The following DNER variants were observed in gnomAD, a reference collection of about 807,000 sequenced individuals.
DNER encodes the protein delta and Notch-like epidermal growth factor-related receptor.
In DNER, 33 loss-of-function variants were observed where a neutral mutation model predicts 78.2. The ratio of observed to expected loss-of-function variants is 0.42; its 90% CI spans 0.32 to 0.56. The LOEUF (loss-of-function observed/expected upper bound fraction) is 0.56, where lower values mean the gene tolerates loss of function less well. DNER is among the 20% of genes least tolerant of loss of function. The pLI, the probability that DNER is intolerant of heterozygous loss-of-function variation, is 0.11. For synonymous variants in DNER, 417 were observed against 384.8 expected, an observed-to-expected ratio of 1.08 and a Z score of -0.98; for missense variants, 918 against 975.3, an observed-to-expected ratio of 0.94 and a Z score of 0.78.
At chr2:229,615,917 A>G (rs1353732562) in intron 1 of DNER, among the ~76,000 whole-genome samples, 1 of 152,204 alleles carries the variant, frequency 6.6e-6, no homozygotes, top group Non-Finnish European at 1.5e-5. Context: ...ATGGACCTGC[A>G]TGTAGGAATC....
chr2:229,539,660 C>T (rs11889339), intron 5 of DNER, among the ~76,000 whole-genome samples: 1 of 151,972 alleles, frequency 6.6e-6, no homozygotes, highest in African/African-American at 2.4e-5. Flanking sequence ...TTTCTCGTCC[C>T]GTTGATAGAC....
intron 1 of DNER, chr2:229,701,830 G>A: frequency 6.4e-6 from 1 of 155,238 alleles, no homozygotes; most frequent in Non-Finnish European, 1.4e-5. Flanking sequence ...GTTGGACTTT[G>A]AGGAGTTCAA....
chr2:229,392,687 T>G (rs1017519597), intron 10 of DNER, among the ~76,000 whole-genome samples: 1 of 152,106 alleles, frequency 6.6e-6, no homozygotes, highest in African/African-American at 2.4e-5. Context: ...GTACAGTCAG[T>G]GAAGCCACAA....
chr2:229,605,174 G>T (rs7599480), intron 1 of DNER, among the ~76,000 whole-genome samples: 1 of 152,136 alleles, frequency 6.6e-6, no homozygotes, highest in South Asian at 2.1e-4. Context: ...GAGGTCACCC[G>T]TAAAAGCCCT....
At chr2:229,433,530 T>C (rs1324767986) in intron 8 of DNER, among the ~76,000 whole-genome samples, 1 of 152,198 alleles carries the variant, frequency 6.6e-6, no homozygotes, top group Non-Finnish European at 1.5e-5. Context: ...TGTGGCACAA[T>C]GTGTTCTAGT....
intron 1 of DNER, among the ~76,000 whole-genome samples, chr2:229,651,843 C>T (rs1018896652): frequency 6.6e-6 from 1 of 152,086 alleles, no homozygotes; most frequent in Non-Finnish European, 1.5e-5. Flanking sequence ...TAGCATGATC[C>T]GTCAGAACAA....
In DNER at chr2:229,426,634, G is replaced by A. The variant is rs531481899; in HGVS notation, c.1487-8404C>T. Among the ~76,000 whole-genome samples the A allele has an allele frequency of 5.9e-5, 9 of 151,792 alleles. 1 individual carries two copies. The highest frequency in any genetic ancestry group is 2.1e-4 in the South Asian group (1 of 4,796). On this transcript the variant is annotated intron_variant, in intron 8 of 12. Transcript: ENST00000341772. ...ATTTCAAGGGAATCTGTGTGGGTGC[G>A]TGTGTGTGTGAGTGAGTGTGTGCAT...
chr2:229,503,121 A>G (rs1330584091), intron 6 of DNER, among the ~76,000 whole-genome samples: 1 of 152,214 alleles, frequency 6.6e-6, no homozygotes, highest in Non-Finnish European at 1.5e-5. Context: ...GATGATTTCT[A>G]AACCGAAAAC....
chr2:229,386,651 A>C (rs1692872969), intron 11 of DNER, among the ~76,000 whole-genome samples: 1 of 152,156 alleles, frequency 6.6e-6, no homozygotes, highest in South Asian at 2.1e-4. Flanking sequence ...AACCACATCA[A>C]AAAGTGGGCA....
chr2:229,662,270 C>T (rs539962359), intron 1 of DNER, among the ~76,000 whole-genome samples: 2 of 152,288 alleles, frequency 1.3e-5, no homozygotes, highest in East Asian at 3.9e-4. Flanking sequence ...GCAGGCTATA[C>T]TTAGTTCATT....
intron 5 of DNER, among the ~76,000 whole-genome samples, chr2:229,541,700 A>C (rs1696517342): frequency 6.6e-6 from 1 of 151,982 alleles, no homozygotes; most frequent in Non-Finnish European, 1.5e-5. Context: ...TCCACTATGC[A>C]AGATGGGATT....
chr2:229,551,217 CTGTT>C (rs1015419096), intron 4 of DNER, among the ~76,000 whole-genome samples: 57 of 152,264 alleles, frequency 3.7e-4, no homozygotes, highest in Non-Finnish European at 6.2e-4. Context: ...TTTGTCTTTT[CTGTT>C]TGTTTATTAT....
chr2:229,636,248 A>G (rs922334320), intron 1 of DNER, among the ~76,000 whole-genome samples: 2 of 152,126 alleles, frequency 1.3e-5, no homozygotes, highest in African/African-American at 4.8e-5. Flanking sequence ...CTCACATCCA[A>G]CAGCTGGGCT....
chr2:229,364,944 G>C (rs1351458466), intron 12 of DNER, among the ~76,000 whole-genome samples: 1 of 148,764 alleles, frequency 6.7e-6, no homozygotes, highest in African/African-American at 2.5e-5. Context: ...TCCACCTCGT[G>C]GGTTCAAGTG....
At chr2:229,616,537 G>A (rs915979509) in intron 1 of DNER, among the ~76,000 whole-genome samples, 3 of 152,150 alleles carry the variant, frequency 2.0e-5, no homozygotes, top group African/African-American at 4.8e-5. Context: ...TACACCCACA[G>A]ACAGTGTGTA....
At position 229,391,987 on chromosome 2, in the gene DNER, C is replaced by T. The variant is rs114097735; in HGVS notation, c.1724-3591G>A. 3.9e-3 allele frequency among the ~76,000 whole-genome samples: 596 copies of T among 152,058 alleles called. 4 individuals are homozygous for T. The highest frequency in any genetic ancestry group is 0.013 in the African/African-American group (537 of 41,478). On this transcript the variant is annotated intron_variant, in intron 10 of 12. Coordinates refer to ENST00000341772, the MANE Select transcript of DNER (RefSeq NM_139072.4). ...ATTAAGAAATGCAAAAAGACAAAAC[C>T]ATCCAAAGTCACCGCTGTTAGTAAA...
intron 10 of DNER, among the ~76,000 whole-genome samples, chr2:229,392,291 T>C (rs1401824876): frequency 6.8e-6 from 1 of 147,136 alleles, no homozygotes; most frequent in Non-Finnish European, 1.5e-5. Flanking sequence ...AAAAAAAAAC[T>C]ATGAAGACAT....
intron 4 of DNER, among the ~76,000 whole-genome samples, chr2:229,569,816 A>C (rs1401241665): frequency 1.3e-5 from 2 of 152,176 alleles, no homozygotes; most frequent in African/African-American, 4.8e-5. Context: ...GGCTCACTGC[A>C]CTTACAGAAG....
rs1197884205 is a variant in DNER at position 229,358,536 on chromosome 2, A to G, written c.*4T>C. 1.3e-6 allele frequency: 2 copies of G among 1,598,140 alleles called. No homozygotes were observed. Among genetic ancestry groups the G allele is most frequent in the Non-Finnish European group, 1.7e-6 (2 of 1,173,082 alleles). ...ATCTTTTTGAAAAATAATCCAAAAAAAGATTACAAATCTTTAGTTTTAATC... is the reference window on the plus strand; with the variant it reads ...ATCTTTTTGAAAAATAATCCAAAAAGAGATTACAAATCTTTAGTTTTAATC... On this transcript the variant is annotated 3_prime_UTR_variant, in exon 13 of 13. Transcript: ENST00000341772.
Sources: allele counts gnomAD v4.1 joint callset (sites outside exome capture counted in the v4.1 genomes callset), GRCh38; gene constraint gnomAD v4.1.1; transcripts MANE v1.5; gene names NCBI Gene and HGNC (gene_info 2026-07-23, HGNC 2026-07-21).